FAM110B: variants seen among roughly 807,000 people sequenced by gnomAD.
FAM110B encodes protein FAM110B.
A neutral mutation model predicts 20.4 loss-of-function variants in FAM110B; 6 were observed. That is an observed-to-expected ratio of 0.29 (90% confidence interval 0.16 to 0.58). FAM110B has a LOEUF of 0.58. Among genes scored for constraint, FAM110B ranks in the 20% least tolerant of loss-of-function variants. FAM110B has a pLI of 0.90. For synonymous variants in FAM110B, 226 were observed against 214.1 expected, an observed-to-expected ratio of 1.06 and a Z score of -0.49; for missense variants, 434 against 498.2, an observed-to-expected ratio of 0.87 and a Z score of 1.23.
chr8:58,108,645 G>A (rs1286512095), intron 3 of FAM110B, among the ~76,000 whole-genome samples: 1 of 152,224 alleles, frequency 6.6e-6, no homozygotes, highest in Non-Finnish European at 1.5e-5. Context: ...AGCACAGCCT[G>A]CTCCATGACC....
chr8:58,049,356 AT>A (rs1805394055), intron 2 of FAM110B, among the ~76,000 whole-genome samples: 1 of 152,158 alleles, frequency 6.6e-6, no homozygotes, highest in Non-Finnish European at 1.5e-5. Flanking sequence ...TATCTTTCAT[AT>A]TTAAGCAAGT....
chr8:58,147,294 T>A lies in FAM110B; in HGVS notation c.1064T>A (p.Leu355Ter). 6.2e-7 allele frequency: 1 copy of A among 1,614,140 alleles called. No individual in the cohort carries two copies. Among genetic ancestry groups the A allele is most frequent in the Non-Finnish European group, 8.5e-7 (1 of 1,180,020 alleles). Residue 355 changes from leucine (L) to a stop codon, truncating the protein, a stop_gained, in exon 4 of 4, where the codon TTA (leucine) becomes TAA (stop). Coordinates refer to ENST00000519262, the MANE Select transcript of FAM110B (RefSeq NM_001377989.1). LOFTEE classifies it high-confidence loss of function. The part of the protein sequence containing the change: ...IERNARIIKW[L>*]YSIKQARESQ... The stretch of plus-strand genomic sequence containing the variant: ...AGAAATGCTAGAATCATCAAGTGGT[T>A]ATATAGCATCAAACAAGCTAGAGAG...
At chr8:58,080,091 G>A (rs940478604) in intron 3 of FAM110B, among the ~76,000 whole-genome samples, 1 of 152,162 alleles carries the variant, frequency 6.6e-6, no homozygotes, top group Admixed American at 6.5e-5. Context: ...GGGTATCAGA[G>A]GCTAAACTTC....
chr8:58,012,382 G>A (rs991663394), intron 1 of FAM110B, among the ~76,000 whole-genome samples: 7 of 151,896 alleles, frequency 4.6e-5, no homozygotes, highest in African/African-American at 7.3e-5. Context: ...ACTCTACACC[G>A]AGAAGATGGA....
intron 2 of FAM110B, among the ~76,000 whole-genome samples, chr8:58,041,441 G>T (rs761078287): frequency 6.6e-6 from 1 of 152,112 alleles, no homozygotes; most frequent in African/African-American, 2.4e-5. Context: ...TACCATCAGT[G>T]GTCCTCATTA....
intron 3 of FAM110B, among the ~76,000 whole-genome samples, chr8:58,105,507 T>A (rs1280286369): frequency 6.7e-6 from 1 of 149,876 alleles, no homozygotes; most frequent in Non-Finnish European, 1.5e-5. Flanking sequence ...CACTCTAGCC[T>A]GGGCAACAGG....
At position 58,043,740 on chromosome 8, in the gene FAM110B, A is replaced by T. The variant is rs866178843; in HGVS notation, c.-414+12037A>T. Among the ~76,000 whole-genome samples the T allele has an allele frequency of 3.7e-4, 56 of 152,280 alleles. 1 individual carries two copies. Among genetic ancestry groups the T allele is most frequent in the Admixed American group, 4.6e-4 (7 of 15,298 alleles). ...CTTACATAGTTTGCTATTGCCAGGC[A>T]CTGGTTTAGCTATTTTACATGTATT... On this transcript the variant is annotated intron_variant, in intron 2 of 3. Coordinates refer to ENST00000519262, the MANE Select transcript of FAM110B (RefSeq NM_001377989.1).
rs543449932 is a variant in FAM110B, at chr8:58,140,248, G to T, written c.-324-5659G>T. Among the ~76,000 whole-genome samples, 21 of 152,206 alleles carry T rather than the reference G, an allele frequency of 1.4e-4. No individual in the cohort carries two copies. In the East Asian group the frequency reaches 3.7e-3, roughly 27 times the overall value. ...TGTCTGTCTCCCAGTTCAGCCCAGC[G>T]TGCCTCTTAAACATCTCTTGAAACT... On this transcript the variant is annotated intron_variant, in intron 3 of 3. Transcript: ENST00000519262.
intron 1 of FAM110B, among the ~76,000 whole-genome samples, chr8:57,999,647 G>A (rs1380568477): frequency 2.0e-5 from 3 of 152,096 alleles, no homozygotes; most frequent in Non-Finnish European, 4.4e-5. Context: ...AGGACGTATT[G>A]TGTGCCAGGT....
chr8:58,049,245 A>AT (rs1805391761), intron 2 of FAM110B, among the ~76,000 whole-genome samples: 1 of 152,158 alleles, frequency 6.6e-6, no homozygotes, highest in South Asian at 2.1e-4. Context: ...TTAGTGCATA[A>AT]AATAGTGCTC....
At chr8:58,122,557 A>G (rs1807389336) in intron 3 of FAM110B, among the ~76,000 whole-genome samples, 1 of 152,086 alleles carries the variant, frequency 6.6e-6, no homozygotes, top group Non-Finnish European at 1.5e-5. Context: ...CTTCAAGCCC[A>G]CCTATTGAAT....
chr8:58,131,695 GATTA>G (rs1177532800), intron 3 of FAM110B, among the ~76,000 whole-genome samples: 2 of 152,152 alleles, frequency 1.3e-5, no homozygotes, highest in Non-Finnish European at 2.9e-5. Flanking sequence ...TTGATCCATT[GATTA>G]ATTGATTGAT....
chr8:58,116,414 A>G (rs1251273773), intron 3 of FAM110B, among the ~76,000 whole-genome samples: 1 of 151,964 alleles, frequency 6.6e-6, no homozygotes, highest in Non-Finnish European at 1.5e-5. Flanking sequence ...CTCCCATGCC[A>G]GCCACACCTG....
intron 3 of FAM110B, among the ~76,000 whole-genome samples, chr8:58,133,906 G>A (rs1314040609): frequency 6.6e-6 from 1 of 152,204 alleles, no homozygotes. Flanking sequence ...AGTCATTGCT[G>A]AGCTTCCTGT....
chr8:58,051,938 C>G (rs1805451258), intron 2 of FAM110B, among the ~76,000 whole-genome samples: 1 of 152,196 alleles, frequency 6.6e-6, no homozygotes, highest in Non-Finnish European at 1.5e-5. Flanking sequence ...ACATTTATTA[C>G]TCTGGTAAGA....
intron 3 of FAM110B, among the ~76,000 whole-genome samples, 162 bp from the exon 4 acceptor site, chr8:58,145,745 C>G (rs971365688): frequency 6.6e-6 from 1 of 152,028 alleles, no homozygotes; most frequent in Non-Finnish European, 1.5e-5. Context: ...GCGCAAGGCC[C>G]GGGTCGTCCC....
intron 3 of FAM110B, among the ~76,000 whole-genome samples, chr8:58,117,106 C>T (rs1012041274): frequency 3.3e-5 from 5 of 152,120 alleles, no homozygotes; most frequent in Admixed American, 1.3e-4. Context: ...GCCGATCTGT[C>T]CAGAATCCCT....
intron 3 of FAM110B, among the ~76,000 whole-genome samples, chr8:58,132,357 A>C (rs894025813): frequency 2.0e-5 from 3 of 151,740 alleles, no homozygotes; most frequent in Admixed American, 2.0e-4. Flanking sequence ...GGGGCTTGGC[A>C]TCGTACAGGC....
chr8:58,069,975 C>T (rs968750028), intron 2 of FAM110B, among the ~76,000 whole-genome samples: 8 of 152,192 alleles, frequency 5.3e-5, no homozygotes, highest in African/African-American at 1.9e-4. Flanking sequence ...GACAGGAAAT[C>T]GAGATGATTT....
Sources: gnomAD v4.1 joint callset for allele counts (sites outside exome capture counted in the v4.1 genomes callset) on GRCh38, gnomAD v4.1.1 for gene constraint, MANE v1.5 for transcripts, NCBI Gene and HGNC (gene_info 2026-07-23, HGNC 2026-07-21) for gene names.